The following ZMYM4 variants were observed in gnomAD, a reference collection of about 807,000 sequenced individuals.
ZMYM4 encodes the protein zinc finger MYM-type containing 4.
Under a neutral mutation model 183.2 loss-of-function variants are expected in ZMYM4, and 31 were observed. The observed-to-expected ratio is 0.17, with a 90% CI of 0.13 to 0.23. The LOEUF is 0.23. Ranked by LOEUF, ZMYM4 falls within the 10% of genes least tolerant of loss-of-function variation. The pLI is 1.00. For synonymous variants in ZMYM4, 592 were observed against 631.2 expected, an observed-to-expected ratio of 0.94 and a Z score of 0.93; for missense variants, 1,273 against 1,840.3, an observed-to-expected ratio of 0.69 and a Z score of 5.64.
intron 1 of ZMYM4, among the ~76,000 whole-genome samples, chr1:35,323,582 C>T (rs1293573602): frequency 1.3e-5 from 2 of 150,104 alleles, no homozygotes; most frequent in African/African-American, 4.9e-5. Context: ...CTCGCTCTGT[C>T]GCCCAGGCTG....
rs765949680 is a variant in ZMYM4, at chr1:35,405,243, A to C, written c.3700+49A>C. The C allele has an allele frequency of 3.1e-6, 5 of 1,599,976 alleles. No individual in the cohort carries two copies. The South Asian group carries it at 5.6e-5, about 18-fold the overall frequency. The stretch of plus-strand genomic sequence containing the variant: ...TCTTGATTTAGGTAGGGGGAAATAT[A>C]CAGATAATCTACTGAAAAGGGATAC... On this transcript the variant is annotated intron_variant, in intron 24 of 29. Coordinates refer to ENST00000314607, the MANE Select transcript of ZMYM4 (RefSeq NM_005095.3).
intron 23 of ZMYM4, among the ~76,000 whole-genome samples, chr1:35,402,612 C>G (rs759376692): frequency 1.3e-5 from 2 of 151,614 alleles, no homozygotes; most frequent in Non-Finnish European, 1.5e-5. Flanking sequence ...GAGCGAGACC[C>G]TGTCTCAAAA....
At chr1:35,329,445 C>CA (rs1642641800) in intron 2 of ZMYM4, among the ~76,000 whole-genome samples, 1 of 152,104 alleles carries the variant, frequency 6.6e-6, no homozygotes. Context: ...TTAATATATT[C>CA]AGATAGTTGC....
intron 1 of ZMYM4, among the ~76,000 whole-genome samples, chr1:35,298,074 A>G (rs1387020871): frequency 6.6e-6 from 1 of 152,212 alleles, no homozygotes; most frequent in Admixed American, 6.5e-5. Flanking sequence ...ATAAATCTGG[A>G]TGATGGCCAG....
intron 15 of ZMYM4, 42 bp downstream of exon 15, chr1:35,390,140 A>T (rs1443495713): frequency 5.7e-6 from 9 of 1,579,284 alleles, no homozygotes; most frequent in Non-Finnish European, 7.8e-6. Context: ...TTTGGTCAAT[A>T]CTAGGAACTA....
chr1:35,306,280 A>G (rs766151244), intron 1 of ZMYM4, among the ~76,000 whole-genome samples: 1 of 152,152 alleles, frequency 6.6e-6, no homozygotes, highest in Non-Finnish European at 1.5e-5. Context: ...GTAGAATAGT[A>G]TATTTCATTT....
chr1:35,323,622 C>A (rs1377282354), intron 1 of ZMYM4, among the ~76,000 whole-genome samples: 1 of 151,900 alleles, frequency 6.6e-6, no homozygotes. Flanking sequence ...CAGCTCACTG[C>A]AAGCTCTGTC....
intron 1 of ZMYM4, among the ~76,000 whole-genome samples, chr1:35,274,035 A>G (rs1240578763): frequency 6.6e-6 from 1 of 152,200 alleles, no homozygotes; most frequent in Admixed American, 6.5e-5. Flanking sequence ...TTATTTTAAT[A>G]TTTTATAATA....
At chr1:35,303,319 T>G (rs1035194301) in intron 1 of ZMYM4, among the ~76,000 whole-genome samples, 2 of 148,086 alleles carry the variant, frequency 1.4e-5, no homozygotes, top group African/African-American at 4.9e-5. Flanking sequence ...GAAAAAAAAT[T>G]GCTTATAGTA....
intron 2 of ZMYM4, among the ~76,000 whole-genome samples, chr1:35,344,601 G>A (rs1323184510): frequency 6.6e-6 from 1 of 151,906 alleles, no homozygotes; most frequent in Non-Finnish European, 1.5e-5. Flanking sequence ...AGATGATCAT[G>A]TTATTTTTTC....
At chr1:35,372,183 G>C (rs1310812588) in intron 7 of ZMYM4, among the ~76,000 whole-genome samples, 2 of 152,158 alleles carry the variant, frequency 1.3e-5, no homozygotes, top group Non-Finnish European at 1.5e-5. Flanking sequence ...AATGAAATTT[G>C]ATTATATAAG....
intron 1 of ZMYM4, among the ~76,000 whole-genome samples, chr1:35,302,574 A>G (rs1641340646): frequency 6.6e-6 from 1 of 151,528 alleles, no homozygotes; most frequent in Non-Finnish European, 1.5e-5. Context: ...TTTAGTAGAG[A>G]CAGGGTTTCA....
At chr1:35,406,084 C>G (rs1417169905) in intron 25 of ZMYM4, among the ~76,000 whole-genome samples, 1 of 152,052 alleles carries the variant, frequency 6.6e-6, no homozygotes, top group Non-Finnish European at 1.5e-5. Context: ...GGAGTATATC[C>G]ATGTAACTTG....
At chr1:35,373,526 C>G (rs1055287068) in intron 7 of ZMYM4, among the ~76,000 whole-genome samples, 2 of 150,394 alleles carry the variant, frequency 1.3e-5, no homozygotes, top group African/African-American at 4.9e-5. Context: ...TACAGGCATC[C>G]GCCACCATGC....
intron 2 of ZMYM4, among the ~76,000 whole-genome samples, chr1:35,354,395 T>C (rs981893864): frequency 1.3e-5 from 2 of 152,158 alleles, no homozygotes; most frequent in African/African-American, 2.4e-5. Flanking sequence ...TTCATCACTC[T>C]CTTGTGAGAT....
intron 23 of ZMYM4, among the ~76,000 whole-genome samples, chr1:35,403,653 A>T (rs1216782467): frequency 1.3e-5 from 2 of 152,204 alleles, no homozygotes; most frequent in African/African-American, 4.8e-5. Flanking sequence ...TTTTGGTATC[A>T]GGGTAATGGT....
chr1:35,291,072 T>C (rs780522652), intron 1 of ZMYM4, among the ~76,000 whole-genome samples: 3 of 152,238 alleles, frequency 2.0e-5, no homozygotes, highest in Non-Finnish European at 4.4e-5. Context: ...ATTAGCACTA[T>C]AATCAAGATG....
intron 1 of ZMYM4, among the ~76,000 whole-genome samples, chr1:35,310,901 A>T (rs1641764495): frequency 6.6e-6 from 1 of 151,992 alleles, no homozygotes; most frequent in South Asian, 2.1e-4. Context: ...TCTAATTCAC[A>T]CGAGTATGAA....
At chr1:35,286,884 C>T (rs1383651162) in intron 1 of ZMYM4, among the ~76,000 whole-genome samples, 1 of 140,662 alleles carries the variant, frequency 7.1e-6, no homozygotes, top group East Asian at 2.4e-4. Context: ...CCACCTCTGC[C>T]TCCCAAAGAT....
Sources: allele counts gnomAD v4.1 joint callset (sites outside exome capture counted in the v4.1 genomes callset), GRCh38; gene constraint gnomAD v4.1.1; transcripts MANE v1.5; gene names NCBI Gene and HGNC (gene_info 2026-07-23, HGNC 2026-07-21).